Variants in CSMD1 observed in about 807,000 individuals in gnomAD.
CSMD1 encodes CUB and Sushi multiple domains 1, also known as CUB and sushi domain-containing protein 1.
CSMD1 carries 213 observed loss-of-function variants against 417.5 expected under a neutral mutation model. That is an observed-to-expected ratio of 0.51 (90% confidence interval 0.46 to 0.57). The LOEUF is 0.57. Ranked by LOEUF, CSMD1 falls within the 20% of genes least tolerant of loss-of-function variation. The pLI is 0.00. For missense variants in CSMD1, 6,923 were observed against 4,529.7 expected (o/e 1.53, Z -15.17); for synonymous variants, 2,862 against 1,736.8 (o/e 1.65, Z -16.11).
intron 26 of CSMD1, among the ~76,000 whole-genome samples, chr8:3,281,928 G>C (rs987452872): frequency 2.0e-5 from 3 of 152,070 alleles, no homozygotes; most frequent in Non-Finnish European, 4.4e-5. Context: ...CAGGAGATCT[G>C]ATTGTTTAAA....
chr8:3,190,466 A>G (rs541851113), intron 33 of CSMD1, among the ~76,000 whole-genome samples: 13 of 152,338 alleles, frequency 8.5e-5, no homozygotes, highest in African/African-American at 3.1e-4. Context: ...AGGCGATTAC[A>G]TTTAATCATC....
chr8:3,341,697 C>A (rs1004385266), intron 23 of CSMD1, among the ~76,000 whole-genome samples: 2 of 152,090 alleles, frequency 1.3e-5, no homozygotes, highest in African/African-American at 4.8e-5. Flanking sequence ...GAAAAAGCAA[C>A]GAAAATGTGT....
At chr8:4,385,992 CT>C (rs750556573) in intron 3 of CSMD1, among the ~76,000 whole-genome samples, 25 of 139,916 alleles carry the variant, frequency 1.8e-4, no homozygotes, top group Non-Finnish European at 3.7e-4. Flanking sequence ...TTCATTTCCT[CT>C]GTTTCATTTT....
At chr8:3,834,711 G>C (rs376149559) in intron 5 of CSMD1, among the ~76,000 whole-genome samples, 12 of 152,062 alleles carry the variant, frequency 7.9e-5, no homozygotes, top group African/African-American at 2.9e-4. Flanking sequence ...GTCTTGGGCA[G>C]ATTAGAAATT....
intron 3 of CSMD1, among the ~76,000 whole-genome samples, chr8:4,355,700 T>A (rs1801389551): frequency 6.6e-6 from 1 of 152,132 alleles, no homozygotes; most frequent in Admixed American, 6.5e-5. Context: ...CCAATCCCAC[T>A]CCAAGTTAAG....
Position 3,189,996 on chromosome 8 carries a change from G to A in CSMD1, c.5314C>T (p.Leu1772=), listed in dbSNP as rs760283915. ...IVRFECNPGY[L]LQGSTALHCQ... is the part of the protein sequence containing the mutation. Reference sequence around the variant, plus strand: ...TGGAGCGCCGTGGAACCCTGAAGCAGGTATCCCGGGTTGCACTCGAATCGG... The same window carrying A: ...TGGAGCGCCGTGGAACCCTGAAGCAAGTATCCCGGGTTGCACTCGAATCGG... The change falls in exon 34 of 70, where the codon CTG becomes TTG. Residue 1772 remains leucine (L), a synonymous_variant. Transcript: ENST00000635120. 6.3e-7 allele frequency: 1 copy of A among 1,599,090 alleles called. No homozygotes were observed.
intron 1 of CSMD1, among the ~76,000 whole-genome samples, chr8:4,752,976 A>C (rs1314171058): frequency 6.6e-6 from 1 of 152,220 alleles, no homozygotes; most frequent in Non-Finnish European, 1.5e-5. Flanking sequence ...ATTACTTTAA[A>C]ATACAATTAT....
At position 3,163,688 on chromosome 8, in the gene CSMD1, G is replaced by A. The variant is rs530110932; in HGVS notation, c.5726-1411C>T. Reference sequence around the variant, plus strand: ...TTCAAAACCAGCGGCCACCAAGCACGAGACCCAGTGTGACTCACGCAGTGC... The same window carrying A: ...TTCAAAACCAGCGGCCACCAAGCACAAGACCCAGTGTGACTCACGCAGTGC... On this transcript the variant is annotated intron_variant, in intron 37 of 69. Coordinates refer to ENST00000635120, the MANE Select transcript of CSMD1 (RefSeq NM_033225.6). Among the ~76,000 whole-genome samples, 62 of 151,864 alleles carry A rather than the reference G, an allele frequency of 4.1e-4. No individual in the cohort carries two copies. In the South Asian group the frequency reaches 0.013, roughly 31 times the overall value.
intron 23 of CSMD1, among the ~76,000 whole-genome samples, chr8:3,322,583 T>C (rs939657306): frequency 3.3e-5 from 5 of 152,172 alleles, no homozygotes; most frequent in African/African-American, 9.7e-5. Context: ...GTTGGTTTCA[T>C]TGGCCAGAAT....
chr8:4,020,761 T>A (rs928588551), intron 4 of CSMD1, among the ~76,000 whole-genome samples: 1 of 152,252 alleles, frequency 6.6e-6, no homozygotes, highest in Non-Finnish European at 1.5e-5. Flanking sequence ...CGTCATTACT[T>A]CCAACCTTGA....
At chr8:4,130,268 C>T (rs982074269) in intron 3 of CSMD1, among the ~76,000 whole-genome samples, 3 of 152,266 alleles carry the variant, frequency 2.0e-5, no homozygotes, top group African/African-American at 7.2e-5. Flanking sequence ...TGTCTATATT[C>T]ATGCAAACGA....
Position 3,308,426 on chromosome 8 carries a change from C to G in CSMD1, c.3709G>C (p.Asp1237His), listed in dbSNP as rs373923214. Residue 1237 changes from aspartate to histidine, a missense_variant, in exon 24 of 70, where the codon GAC becomes CAC. By Grantham distance (81) the Asp-to-His change is moderately conservative. Transcript: ENST00000635120. ...YRIRDEGHFT[D>H]TVVLYSCNPG... is the part of the protein sequence containing the mutation. ...TTGCAACTGTACAGAACTACAGTGT[C>G]GGTAAAGTGGCCTTCATCACGGATC... 3.1e-5 allele frequency: 50 copies of G among 1,613,682 alleles called. No homozygotes were observed. Among genetic ancestry groups the G allele is most frequent in the Admixed American group, 1.8e-4 (11 of 59,996 alleles).
intron 5 of CSMD1, among the ~76,000 whole-genome samples, chr8:3,917,282 C>T (rs1171567831): frequency 1.3e-5 from 2 of 152,170 alleles, no homozygotes; most frequent in Non-Finnish European, 1.5e-5. Context: ...ACTGAAGTTC[C>T]TGAAATTAGG....
Position 4,230,272 on chromosome 8 carries a change from T to C in CSMD1, c.415+189681A>G, listed in dbSNP as rs1801635982. Among the ~76,000 whole-genome samples the C allele has an allele frequency of 2.0e-5, 3 of 152,200 alleles. No homozygotes were observed. The South Asian group carries it at 6.2e-4, about 31-fold the overall frequency. On this transcript the variant is annotated intron_variant, in intron 3 of 69. Coordinates refer to ENST00000635120, the MANE Select transcript of CSMD1 (RefSeq NM_033225.6). ...GATTTATATCGTTGAGTATCTTATA[T>C]TCTAGATTTATATTAAAACATTTAA... is the stretch of plus-strand genomic sequence containing the variant.
At chr8:3,508,106 G>A (rs540518643) in intron 10 of CSMD1, among the ~76,000 whole-genome samples, 2 of 152,218 alleles carry the variant, frequency 1.3e-5, no homozygotes, top group South Asian at 4.2e-4. Flanking sequence ...GAATGGTATT[G>A]CCTAGGTTTC....
At chr8:4,653,158 C>A (rs1176263949) in intron 1 of CSMD1, among the ~76,000 whole-genome samples, 2 of 152,040 alleles carry the variant, frequency 1.3e-5, no homozygotes, top group Non-Finnish European at 2.9e-5. Context: ...CCAAAGTAGA[C>A]TCTTAGGTGT....
At chr8:4,618,469 T>A (rs1486125090) in intron 2 of CSMD1, among the ~76,000 whole-genome samples, 1 of 152,160 alleles carries the variant, frequency 6.6e-6, no homozygotes, top group African/African-American at 2.4e-5. Flanking sequence ...GCCTATTTTA[T>A]ATTCTTGGTG....
At chr8:4,564,408 G>T (rs112231558) in intron 2 of CSMD1, among the ~76,000 whole-genome samples, 7 of 152,130 alleles carry the variant, frequency 4.6e-5, no homozygotes, top group African/African-American at 1.7e-4. Context: ...CACTGTTCTG[G>T]ACAGTGGAAA....
chr8:4,437,458 A>C (rs1052650373), intron 2 of CSMD1, among the ~76,000 whole-genome samples: 1 of 152,200 alleles, frequency 6.6e-6, no homozygotes, highest in Admixed American at 6.5e-5. Flanking sequence ...ACATTCACCA[A>C]AAGTTAATTA....
Sources: gnomAD v4.1 joint callset for allele counts (sites outside exome capture counted in the v4.1 genomes callset) on GRCh38, gnomAD v4.1.1 for gene constraint, MANE v1.5 for transcripts, NCBI Gene and HGNC (gene_info 2026-07-23, HGNC 2026-07-21) for gene names.